CD36: variants seen among roughly 807,000 people sequenced by gnomAD.
CD36 encodes platelet glycoprotein 4.
In CD36, 119 loss-of-function variants were observed where a neutral mutation model predicts 55.2. That is an observed-to-expected ratio of 2.15 (90% CI 1.86 to 2.51). The LOEUF is 2.51. Ranked by LOEUF, CD36 falls within the 30% of genes most tolerant of loss-of-function variation. The probability of loss-of-function intolerance (pLI) is 0.00; values close to 1 mark genes in which losing one functional copy is unlikely to be tolerated. For synonymous variants in CD36, 186 were observed against 193.6 expected, an observed-to-expected ratio of 0.96 and a Z score of 0.33; for missense variants, 819 against 555.5, an observed-to-expected ratio of 1.47 and a Z score of -4.77.
At chr7:80,630,619 T>C (rs1293802959) in intron 1 of CD36, among the ~76,000 whole-genome samples, 1 of 152,056 alleles carries the variant, frequency 6.6e-6, no homozygotes, top group Non-Finnish European at 1.5e-5. Flanking sequence ...GTGGTTTCCA[T>C]GTTTTTATGG....
rs3173803 is a variant in CD36 at position 80,669,797 on chromosome 7, G to A, written c.749-156G>A. Among the ~76,000 whole-genome samples the A allele has an allele frequency of 0.38, 58,378 of 151,912 alleles. 11,749 individuals are homozygous for A. The highest frequency in any genetic ancestry group is 0.52 in the East Asian group (2,658 of 5,144). ...CAGGCATGAGCCAGCATGCCTGGCC[G>A]GTTATTTCTTTTTACCTTTTAAAAA... On this transcript the variant is annotated intron_variant, in intron 8 of 14. Coordinates refer to ENST00000447544, the MANE Select transcript of CD36 (RefSeq NM_001001548.3).
rs145337017 is a variant in CD36, at chr7:80,656,701, G to A, written c.281+1G>A. ...AGCAAAGAGGTCCTTATACGTACAG[G>A]TGAGTGAGTCCCCACAAATATGAGA... On this transcript the variant is annotated splice_donor_variant, in intron 4 of 14. Transcript: ENST00000447544. LOFTEE classifies it high-confidence loss of function. 2.5e-6 allele frequency: 4 copies of A among 1,612,808 alleles called. No homozygotes were observed. Among genetic ancestry groups the A allele is most frequent in the African/African-American group, 2.7e-5 (2 of 74,936 alleles).
At chr7:80,630,426 AT>A (rs1162894624) in intron 1 of CD36, among the ~76,000 whole-genome samples, 1 of 152,092 alleles carries the variant, frequency 6.6e-6, no homozygotes, top group Non-Finnish European at 1.5e-5. Flanking sequence ...GAAAATTAAG[AT>A]AAAAATGAGA....
intron 6 of CD36, among the ~76,000 whole-genome samples, chr7:80,663,887 T>TATC (rs1167286242): frequency 6.6e-6 from 1 of 152,198 alleles, no homozygotes; most frequent in African/African-American, 2.4e-5. Context: ...CAAGGTTATA[T>TATC]ATCAATTATA....
intron 14 of CD36, among the ~76,000 whole-genome samples, chr7:80,675,230 TTA>T (rs1798111672): frequency 1.3e-5 from 2 of 151,996 alleles, no homozygotes; most frequent in Admixed American, 1.3e-4. Context: ...TTATAAAAAG[TTA>T]AATATTACCT....
At chr7:80,670,815 T>G in intron 9 of CD36, 162 bp from the exon 10 acceptor site, 1 of 623,604 alleles carries the variant, frequency 1.6e-6, no homozygotes, top group South Asian at 1.9e-5. Context: ...CTATTGAGTT[T>G]TAGTATGTGT....
intron 4 of CD36, 67 bp downstream of exon 4, chr7:80,656,767 T>C: frequency 7.3e-7 from 1 of 1,369,206 alleles, no homozygotes; most frequent in Non-Finnish European, 1.0e-6. Context: ...AGTCTTCTAC[T>C]TGGCAAATGT....
At chr7:80,656,190 T>C (rs996463776) in intron 3 of CD36, among the ~76,000 whole-genome samples, 2 of 152,160 alleles carry the variant, frequency 1.3e-5, no homozygotes, top group Non-Finnish European at 2.9e-5. Flanking sequence ...AAGAACTTTT[T>C]TGAACTTCGG....
chr7:80,650,982 C>A (rs1383584589), intron 3 of CD36, among the ~76,000 whole-genome samples: 1 of 147,772 alleles, frequency 6.8e-6, no homozygotes. Context: ...AAAGTAGAAA[C>A]TACCAAAGCA....
At chr7:80,653,800 C>G in intron 3 of CD36, among the ~76,000 whole-genome samples, 1 of 152,252 alleles carries the variant, frequency 6.6e-6, no homozygotes, top group East Asian at 1.9e-4. Context: ...CAATTTAATA[C>G]ATATAGTAGT....
chr7:80,638,440 T>C (rs1338367646), upstream of CD36: 2 of 150,296 alleles, frequency 1.3e-5, no homozygotes, highest in Non-Finnish European at 1.5e-5. Context: ...ATATAGGTAA[T>C]GGGTCTTCAC....
intron 1 of CD36, among the ~76,000 whole-genome samples, chr7:80,603,769 C>CAAAAAAAAAAAA (rs371964967): frequency 1.1e-5 from 1 of 94,410 alleles, no homozygotes; most frequent in East Asian, 3.5e-4. Flanking sequence ...TACAGTCAGG[C>CAAAAAAAAAAAA]AAAAAAAAAA....
At chr7:80,651,728 C>T (rs965749733) in intron 3 of CD36, among the ~76,000 whole-genome samples, 1 of 151,946 alleles carries the variant, frequency 6.6e-6, no homozygotes, top group Non-Finnish European at 1.5e-5. Context: ...GGCAACATGG[C>T]AAAACCCCAT....
intron 1 of CD36, among the ~76,000 whole-genome samples, chr7:80,604,390 T>TTTTTTTTTTTTTTTAGC (rs144014175): frequency 9.1e-6 from 1 of 109,642 alleles, no homozygotes; most frequent in East Asian, 2.8e-4. Context: ...TTTTTTTTTT[T>TTTTTTTTTTTTTTTAGC]AGCAAAGTAT....
chr7:80,673,425 TGTTA>T lies in CD36; in HGVS notation c.1254+19_1254+22del, dbSNP rs1408639611. The T allele has an allele frequency of 6.6e-7, 1 of 1,506,198 alleles. No homozygotes were observed. Among genetic ancestry groups the T allele is most frequent in the Non-Finnish European group, 9.2e-7 (1 of 1,082,632 alleles). 93.3% of individuals were successfully genotyped at this position (1,506,198 alleles called of 1,614,324 possible). Reference sequence around the variant, plus strand: ...GCTTAATGAGGTTTGTATTTGCAGCTGTTAGTCATTAAAAACAACCTTCTTTGTA... The same window carrying T: ...GCTTAATGAGGTTTGTATTTGCAGCTGTCATTAAAAACAACCTTCTTTGTA... On this transcript the variant is annotated intron_variant, in intron 13 of 14. Transcript: ENST00000447544.
intron 7 of CD36, 21 bp downstream of exon 7, chr7:80,664,518 T>C (rs1198931808): frequency 1.6e-6 from 2 of 1,238,062 alleles, no homozygotes; most frequent in East Asian, 2.3e-5. Flanking sequence ...TGGTAAAATG[T>C]GCATGTATGT....
chr7:80,616,415 G>A (rs1488317725), intron 1 of CD36, among the ~76,000 whole-genome samples: 2 of 140,552 alleles, frequency 1.4e-5, no homozygotes, highest in Non-Finnish European at 3.0e-5. Flanking sequence ...GTAAGTTGGG[G>A]ACCATCTGTG....
chr7:80,635,854 A>T (rs887311700), upstream of CD36, among the ~76,000 whole-genome samples: 13 of 152,048 alleles, frequency 8.5e-5, no homozygotes, highest in African/African-American at 3.1e-4. Context: ...ACTCATTCTC[A>T]CTACTTGTAA....
At chr7:80,666,308 C>A in intron 7 of CD36, 135 bp from the exon 8 acceptor site, 1 of 682,300 alleles carries the variant, frequency 1.5e-6, no homozygotes, top group Non-Finnish European at 2.6e-6. Flanking sequence ...CAGAATTGAA[C>A]ATTTCTTAAA....
Sources: allele counts gnomAD v4.1 joint callset (sites outside exome capture counted in the v4.1 genomes callset), GRCh38; gene constraint gnomAD v4.1.1; transcripts MANE v1.5; gene names NCBI Gene and HGNC (gene_info 2026-07-23, HGNC 2026-07-21).